The following ROCK1 variants were observed in gnomAD, a reference collection of about 807,000 sequenced individuals.
ROCK1 encodes Rho associated coiled-coil containing protein kinase 1.
A neutral mutation model predicts 196.8 loss-of-function variants in ROCK1; 36 were observed. The observed-to-expected ratio is 0.18, with a 90% CI of 0.14 to 0.24. The LOEUF is 0.24. Ranked by LOEUF, ROCK1 falls within the 10% of genes least tolerant of loss-of-function variation. The pLI, the probability that ROCK1 is intolerant of heterozygous loss-of-function variation, is 1.00. For missense variants in ROCK1, 920 were observed against 1,562.0 expected, an observed-to-expected ratio of 0.59 and a Z score of 6.93; for synonymous variants, 443 against 515.9, an observed-to-expected ratio of 0.86 and a Z score of 1.91.
At chr18:20,980,599 TA>T (rs1015341741) in intron 21 of ROCK1, among the ~76,000 whole-genome samples, 1 of 152,116 alleles carries the variant, frequency 6.6e-6, no homozygotes, top group Admixed American at 6.6e-5. Flanking sequence ...CCAGTACACT[TA>T]AAATGGGTAT....
At chr18:20,986,920 G>A in intron 19 of ROCK1, 30 bp downstream of exon 19, 1 of 1,546,754 alleles carries the variant, frequency 6.5e-7, no homozygotes, top group Non-Finnish European at 8.7e-7. Flanking sequence ...TCTTTTAATA[G>A]ATGAACAAAG....
chr18:21,042,633 C>A lies in ROCK1; in HGVS notation c.752G>T (p.Gly251Val). 5.0e-6 allele frequency: 8 copies of A among 1,613,962 alleles called. No individual in the cohort carries two copies. Among genetic ancestry groups the A allele is most frequent in the Non-Finnish European group, 6.8e-6 (8 of 1,179,882 alleles). Reference protein sequence around the residue: ...ISPEVLKSQGGDGYYGRECDW... With the variant: ...ISPEVLKSQGVDGYYGRECDW... Reference sequence around the variant, plus strand: ...ACATTCTCTTCCATAATAACCATCACCACCTTGGGATTTTAATACTTCAGG... The same window carrying A: ...ACATTCTCTTCCATAATAACCATCAACACCTTGGGATTTTAATACTTCAGG... The change falls in exon 7 of 33, where the codon GGT becomes GTT. Residue 251 changes from glycine to valine, a missense_variant. Coordinates refer to ENST00000399799, the MANE Select transcript of ROCK1 (RefSeq NM_005406.3).
chr18:20,998,025 C>T (rs2035687796), intron 16 of ROCK1, among the ~76,000 whole-genome samples: 1 of 151,922 alleles, frequency 6.6e-6, no homozygotes, highest in African/African-American at 2.4e-5. Flanking sequence ...TTAGTAGAGA[C>T]AGGGTTTCAC....
chr18:21,049,981 C>T, intron 2 of ROCK1, 101 bp from the exon 3 acceptor site: 2 of 542,756 alleles, frequency 3.7e-6, no homozygotes, highest in Non-Finnish European at 6.2e-6. Flanking sequence ...TGAAAAACAA[C>T]AAACTTCATG....
chr18:21,110,381 A>T (rs2036739990), intron 1 of ROCK1, among the ~76,000 whole-genome samples: 2 of 152,184 alleles, frequency 1.3e-5, no homozygotes, highest in South Asian at 2.1e-4. Flanking sequence ...CAAGGCTAAA[A>T]ACTAAACCCC....
chr18:21,031,862 A>G (rs2036010962), intron 9 of ROCK1, among the ~76,000 whole-genome samples: 1 of 152,170 alleles, frequency 6.6e-6, no homozygotes, highest in Non-Finnish European at 1.5e-5. Context: ...AGGCTTCAAC[A>G]GCAGATCTGA....
chr18:21,005,140 A>G (rs2035757862), intron 16 of ROCK1, among the ~76,000 whole-genome samples: 1 of 152,218 alleles, frequency 6.6e-6, no homozygotes, highest in African/African-American at 2.4e-5. Flanking sequence ...AGGAATAGAA[A>G]ATAGAAAAAT....
At chr18:20,978,431 A>G (rs572886660) in intron 22 of ROCK1, among the ~76,000 whole-genome samples, 35 of 152,360 alleles carry the variant, frequency 2.3e-4, no homozygotes, top group African/African-American at 8.4e-4. Flanking sequence ...GATGTCAGAA[A>G]TGTTCTATAT....
intron 1 of ROCK1, among the ~76,000 whole-genome samples, chr18:21,091,844 C>T (rs750749209): frequency 2.0e-5 from 3 of 151,862 alleles, no homozygotes; most frequent in Non-Finnish European, 4.4e-5. Flanking sequence ...GTGTCGTATG[C>T]CTATAATCCC....
At chr18:21,060,275 A>T (rs2036277596) in intron 2 of ROCK1, among the ~76,000 whole-genome samples, 1 of 152,262 alleles carries the variant, frequency 6.6e-6, no homozygotes, top group Non-Finnish European at 1.5e-5. Flanking sequence ...CACAAAAAGC[A>T]CAATCAATGC....
intron 1 of ROCK1, among the ~76,000 whole-genome samples, chr18:21,078,442 A>C (rs963832580): frequency 6.6e-6 from 1 of 151,528 alleles, no homozygotes; most frequent in African/African-American, 2.4e-5. Context: ...TTTTAGGCAG[A>C]TAGAGAGGAA....
At chr18:20,983,807 T>C (rs1022633883) in intron 20 of ROCK1, among the ~76,000 whole-genome samples, 2 of 152,092 alleles carry the variant, frequency 1.3e-5, no homozygotes, top group Non-Finnish European at 2.9e-5. Context: ...AGTGATGATA[T>C]GATAAAATAA....
intron 22 of ROCK1, among the ~76,000 whole-genome samples, chr18:20,976,292 G>A (rs1229619855): frequency 1.3e-5 from 2 of 152,008 alleles, no homozygotes; most frequent in South Asian, 2.1e-4. Context: ...TATTCTTCTG[G>A]ATTATAAGAT....
chr18:21,109,823 ATTATT>A (rs1490083983), intron 1 of ROCK1, among the ~76,000 whole-genome samples: 2 of 152,168 alleles, frequency 1.3e-5, no homozygotes, highest in Non-Finnish European at 2.9e-5. Flanking sequence ...TTTGAATGGT[ATTATT>A]TTGTTTCCTT....
At chr18:21,045,594 CTA>C in intron 4 of ROCK1, 127 bp from the exon 5 acceptor site, 1 of 741,370 alleles carries the variant, frequency 1.3e-6, no homozygotes, top group Non-Finnish European at 2.1e-6. Context: ...AGTTGCAAGT[CTA>C]GTTTTAAAAA....
intron 2 of ROCK1, among the ~76,000 whole-genome samples, chr18:21,064,810 A>G (rs2036320297): frequency 6.6e-6 from 1 of 152,218 alleles, no homozygotes; most frequent in African/African-American, 2.4e-5. Context: ...CTTGCTTTCT[A>G]TGGCTGCAAC....
At chr18:20,997,623 T>G (rs750738093) in intron 16 of ROCK1, among the ~76,000 whole-genome samples, 2 of 152,178 alleles carry the variant, frequency 1.3e-5, no homozygotes, top group Non-Finnish European at 2.9e-5. Context: ...TAATCTGCAC[T>G]ATAGACCAAA....
At chr18:21,009,067 C>T (rs2035793029) in intron 13 of ROCK1, among the ~76,000 whole-genome samples, 1 of 152,092 alleles carries the variant, frequency 6.6e-6, no homozygotes. Context: ...TCCCACCACC[C>T]ATACTCCTGG....
At chr18:20,990,360 T>C (rs2035613158) in intron 18 of ROCK1, among the ~76,000 whole-genome samples, 1 of 151,714 alleles carries the variant, frequency 6.6e-6, no homozygotes, top group Non-Finnish European at 1.5e-5. Context: ...CCACTAACTT[T>C]TATAGGAAAC....
Sources: allele counts gnomAD v4.1 joint callset (sites outside exome capture counted in the v4.1 genomes callset), GRCh38; gene constraint gnomAD v4.1.1; transcripts MANE v1.5; gene names NCBI Gene and HGNC (gene_info 2026-07-23, HGNC 2026-07-21).